Variants in TBCA observed in about 807,000 individuals in gnomAD.
TBCA encodes tubulin folding cofactor A, also known as tubulin-specific chaperone A.
A neutral mutation model predicts 15.8 loss-of-function variants in TBCA; 6 were observed. The observed-to-expected ratio is 0.38, with a 90% confidence interval of 0.21 to 0.75. The LOEUF (loss-of-function observed/expected upper bound fraction) is 0.75, where lower values mean the gene tolerates loss of function less well. Among genes scored for constraint, TBCA ranks in the 30% least tolerant of loss-of-function variants. TBCA has a pLI of 0.46. For synonymous variants in TBCA, 32 were observed against 42.3 expected (o/e 0.76, Z 0.94); for missense variants, 90 against 131.2 (o/e 0.69, Z 1.53).
chr5:77,755,326 C>T (rs1747447192), intron 1 of TBCA, among the ~76,000 whole-genome samples: 1 of 152,178 alleles, frequency 6.6e-6, no homozygotes, highest in South Asian at 2.1e-4. Flanking sequence ...CACCTGTAAT[C>T]CCGGCACTTT....
intron 2 of TBCA, among the ~76,000 whole-genome samples, chr5:77,707,342 G>C (rs1257841890): frequency 6.6e-6 from 1 of 152,086 alleles, no homozygotes; most frequent in Non-Finnish European, 1.5e-5. Context: ...TGCTATCATG[G>C]GAATAAAGAA....
rs1217455295 is a variant in TBCA at position 77,776,195 on chromosome 5, G to T, written c.53+10C>A. On this transcript the variant is annotated intron_variant, in intron 1 of 3. Coordinates refer to ENST00000380377, the MANE Select transcript of TBCA (RefSeq NM_004607.3). ...AGAGGAGGTGCAGGGCGCCGCTCCC[G>T]GCTCCTTACCGCTTCACCACGCCGG... 2 of 1,560,686 alleles carry T rather than the reference G, an allele frequency of 1.3e-6. No individual in the cohort carries two copies. Among genetic ancestry groups the T allele is most frequent in the Admixed American group, 3.8e-5 (2 of 52,584 alleles).
At chr5:77,770,545 A>G (rs971457250) in intron 1 of TBCA, among the ~76,000 whole-genome samples, 1 of 150,520 alleles carries the variant, frequency 6.6e-6, no homozygotes, top group Non-Finnish European at 1.5e-5. Context: ...GCAAACTGTG[A>G]TAATTGATGC....
chr5:77,774,938 C>A (rs254419), intron 1 of TBCA, among the ~76,000 whole-genome samples: 33,581 of 150,228 alleles, frequency 0.22, 4,552 homozygotes, highest in Non-Finnish European at 0.31. Context: ...ATCGAGCAAA[C>A]CTGCCTCTCA....
Position 77,691,235 on chromosome 5 carries a change from A to G in TBCA, c.*183T>C, listed in dbSNP as rs1745742559. 1 of 598,806 alleles carries G rather than the reference A, an allele frequency of 1.7e-6. No homozygotes were observed. The highest frequency in any genetic ancestry group is 2.8e-6 in the Non-Finnish European group (1 of 351,220). The allele number at this position is 598,806 out of a possible 1,614,324, so 37.1% of individuals were successfully genotyped here. On this transcript the variant is annotated 3_prime_UTR_variant, in exon 4 of 4. Transcript: ENST00000380377. ...TTAAAAATTTTGTAAAGTATAAAAT[A>G]AACAATTTTATTAGATGAACTCATT... is the stretch of plus-strand genomic sequence containing the variant.
At chr5:77,695,039 C>T (rs1745842974) in intron 2 of TBCA, among the ~76,000 whole-genome samples, 3 of 152,134 alleles carry the variant, frequency 2.0e-5, no homozygotes. Flanking sequence ...TTCTTAGTGG[C>T]TTTTTCCTAT....
chr5:77,732,563 A>C (rs1222656834), intron 1 of TBCA, among the ~76,000 whole-genome samples: 2 of 151,468 alleles, frequency 1.3e-5, no homozygotes, highest in Admixed American at 6.6e-5. Flanking sequence ...AAAAAAAAAA[A>C]AAAAAAAAAA....
chr5:77,698,925 C>T (rs1745935263), intron 2 of TBCA, among the ~76,000 whole-genome samples: 1 of 149,166 alleles, frequency 6.7e-6, no homozygotes, highest in Non-Finnish European at 1.5e-5. Flanking sequence ...GGTGAGTTTG[C>T]AGGTTACAAG....
chr5:77,771,642 T>C (rs1290006805), intron 1 of TBCA, among the ~76,000 whole-genome samples: 2 of 152,184 alleles, frequency 1.3e-5, no homozygotes, highest in East Asian at 3.9e-4. Flanking sequence ...GCCAACATGC[T>C]GAAATGGCCG....
chr5:77,713,037 T>C (rs951538776), intron 1 of TBCA, among the ~76,000 whole-genome samples: 1 of 152,146 alleles, frequency 6.6e-6, no homozygotes, highest in African/African-American at 2.4e-5. Context: ...CTCACACCTG[T>C]AATCCCAACA....
intron 1 of TBCA, among the ~76,000 whole-genome samples, chr5:77,710,850 T>C (rs1746263297): frequency 1.3e-5 from 2 of 152,218 alleles, no homozygotes; most frequent in Non-Finnish European, 2.9e-5. Context: ...ACTATCATTA[T>C]ATAATCATGA....
intron 1 of TBCA, among the ~76,000 whole-genome samples, chr5:77,761,119 G>A (rs1222251004): frequency 6.6e-6 from 1 of 152,110 alleles, no homozygotes; most frequent in African/African-American, 2.4e-5. Flanking sequence ...TTCTGCAGGT[G>A]TACCCAACAG....
At chr5:77,727,239 G>GAAAA (rs35477479) in intron 1 of TBCA, among the ~76,000 whole-genome samples, 44 of 81,000 alleles carry the variant, frequency 5.4e-4, no homozygotes, top group South Asian at 9.6e-4. Flanking sequence ...TCTGTCTCAG[G>GAAAA]AAAAAAAAAA....
intron 1 of TBCA, among the ~76,000 whole-genome samples, chr5:77,719,698 C>T (rs1014436946): frequency 6.6e-6 from 1 of 152,062 alleles, no homozygotes; most frequent in South Asian, 2.1e-4. Flanking sequence ...TTTTTCAATA[C>T]TATGAATCTC....
At chr5:77,715,331 A>G (rs2112448455) in intron 1 of TBCA, 1 of 701,132 alleles carries the variant, frequency 1.4e-6, no homozygotes, top group South Asian at 1.5e-5. Context: ...AAGGAAAAAT[A>G]CATCCCAAGG....
chr5:77,692,314 A>G, intron 3 of TBCA: 2 of 985,446 alleles, frequency 2.0e-6, no homozygotes, highest in East Asian at 1.1e-4. Flanking sequence ...ATACGTAAGA[A>G]TTTCTTAAAC....
chr5:77,711,558 CACT>C (rs1379720845), intron 1 of TBCA, among the ~76,000 whole-genome samples: 2 of 152,106 alleles, frequency 1.3e-5, no homozygotes, highest in Non-Finnish European at 2.9e-5. Context: ...CTAGAAATCT[CACT>C]ACTGTCTTTT....
chr5:77,753,426 C>T (rs1414010874), intron 1 of TBCA, among the ~76,000 whole-genome samples: 1 of 152,202 alleles, frequency 6.6e-6, no homozygotes, highest in African/African-American at 2.4e-5. Context: ...CAACATTTTT[C>T]ACCTGCTTTT....
At chr5:77,750,486 A>C (rs1409304937) in intron 1 of TBCA, among the ~76,000 whole-genome samples, 1 of 152,198 alleles carries the variant, frequency 6.6e-6, no homozygotes, top group Admixed American at 6.5e-5. Flanking sequence ...AGTCCAAGTA[A>C]AGCAAGAATC....
Sources: gnomAD v4.1 joint callset for allele counts (sites outside exome capture counted in the v4.1 genomes callset) on GRCh38, gnomAD v4.1.1 for gene constraint, MANE v1.5 for transcripts, NCBI Gene and HGNC (gene_info 2026-07-23, HGNC 2026-07-21) for gene names.